LINGO2: variants seen among roughly 807,000 people sequenced by gnomAD.
The protein encoded by LINGO2 is leucine-rich repeat and immunoglobulin-like domain-containing nogo receptor-interacting protein 2.
Under a neutral mutation model 30.6 loss-of-function variants are expected in LINGO2, and 14 were observed. The ratio of observed to expected loss-of-function variants is 0.46; its 90% confidence interval spans 0.30 to 0.72. LINGO2 has a LOEUF of 0.72. LINGO2 is among the 30% of genes least tolerant of loss of function. The pLI is 0.07. For missense variants in LINGO2, 729 were observed against 751.7 expected (o/e 0.97, Z 0.35); for synonymous variants, 317 against 288.5 (o/e 1.10, Z -1.00).
At chr9:28,615,578 A>C (rs1328089324) in intron 1 of LINGO2, among the ~76,000 whole-genome samples, 4 of 152,198 alleles carry the variant, frequency 2.6e-5, no homozygotes, top group African/African-American at 9.7e-5. Flanking sequence ...ACAACATACT[A>C]TATAACAATA....
chr9:28,371,900 G>T (rs7855389), intron 3 of LINGO2, among the ~76,000 whole-genome samples: 119,010 of 151,870 alleles, frequency 0.78, 47,851 homozygotes, highest in Middle Eastern at 0.9. Flanking sequence ...ATACCTGTTA[G>T]AATAGGTGAA....
At chr9:28,272,082 A>G (rs1822959821) in intron 4 of LINGO2, among the ~76,000 whole-genome samples, 2 of 152,074 alleles carry the variant, frequency 1.3e-5, no homozygotes, top group African/African-American at 2.4e-5. Flanking sequence ...TCCCCATGTC[A>G]TCCACTCACC....
At chr9:29,149,417 C>T in the LINGO2 span, among the ~76,000 whole-genome samples, 36,708 of 151,506 alleles carry the variant, frequency 0.24, 4,573 homozygotes, top group East Asian at 0.4. Context: ...TAAACCAACA[C>T]ACTTTGAACA....
At chr9:28,477,619 C>A (rs1486775586) in intron 1 of LINGO2, among the ~76,000 whole-genome samples, 1 of 152,110 alleles carries the variant, frequency 6.6e-6, no homozygotes, top group African/African-American at 2.4e-5. Flanking sequence ...ATTTTACAGG[C>A]TAATTATAGC....
intron 4 of LINGO2, among the ~76,000 whole-genome samples, chr9:28,032,827 G>A (rs1243579959): frequency 1.3e-5 from 2 of 152,182 alleles, no homozygotes; most frequent in Non-Finnish European, 2.9e-5. Flanking sequence ...CTAGTAGATG[G>A]TGCCACATCA....
At chr9:28,886,229 A>T in the LINGO2 span, among the ~76,000 whole-genome samples, 1 of 152,162 alleles carries the variant, frequency 6.6e-6, no homozygotes, top group Non-Finnish European at 1.5e-5. Context: ...TTAATTGCAG[A>T]GAAGATAAAA....
chr9:29,011,815 T>C, the LINGO2 span, among the ~76,000 whole-genome samples: 3 of 152,166 alleles, frequency 2.0e-5, no homozygotes, highest in African/African-American at 7.2e-5. Flanking sequence ...CCTTATGAAG[T>C]AGTTCTTCAT....
chr9:28,935,037 T>C, the LINGO2 span, among the ~76,000 whole-genome samples: 1 of 152,090 alleles, frequency 6.6e-6, no homozygotes, highest in East Asian at 1.9e-4. Context: ...TCCAAGAGAA[T>C]GATACTCATC....
intron 3 of LINGO2, among the ~76,000 whole-genome samples, chr9:28,348,554 C>T (rs561507528): frequency 2.6e-3 from 401 of 152,154 alleles, no homozygotes; most frequent in African/African-American, 9.1e-3. Context: ...AACTGCAAGG[C>T]GGCAGCGAGG....
intron 3 of LINGO2, among the ~76,000 whole-genome samples, chr9:28,336,852 A>G (rs1352770316): frequency 1.3e-5 from 2 of 151,792 alleles, no homozygotes; most frequent in Non-Finnish European, 2.9e-5. Context: ...GCTTATTACT[A>G]GAATACTTTT....
At chr9:28,093,289 A>G (rs1826150794) in intron 4 of LINGO2, among the ~76,000 whole-genome samples, 1 of 152,110 alleles carries the variant, frequency 6.6e-6, no homozygotes, top group African/African-American at 2.4e-5. Flanking sequence ...CCTCTGTGAA[A>G]AAAAATCCCT....
At chr9:28,020,212 C>T (rs1823044406) in intron 4 of LINGO2, among the ~76,000 whole-genome samples, 1 of 152,182 alleles carries the variant, frequency 6.6e-6, no homozygotes, top group South Asian at 2.1e-4. Flanking sequence ...GCACTGAGAG[C>T]ACAGCCTTTC....
At chr9:27,998,430 C>T (rs1821777361) in intron 5 of LINGO2, among the ~76,000 whole-genome samples, 1 of 152,144 alleles carries the variant, frequency 6.6e-6, no homozygotes, top group African/African-American at 2.4e-5. Flanking sequence ...GCCCAGGAAC[C>T]AGCAAGGATG....
chr9:28,901,727 G>A, the LINGO2 span, among the ~76,000 whole-genome samples: 1 of 150,570 alleles, frequency 6.6e-6, no homozygotes, highest in Non-Finnish European at 1.5e-5. Context: ...AAAAAGTAAA[G>A]AATCAAAAAA....
At chr9:28,783,404 T>C in the LINGO2 span, among the ~76,000 whole-genome samples, 1 of 152,128 alleles carries the variant, frequency 6.6e-6, no homozygotes, top group Non-Finnish European at 1.5e-5. Context: ...TTTTAAATTT[T>C]ATTATTTCTA....
intron 1 of LINGO2, among the ~76,000 whole-genome samples, chr9:28,581,990 CT>C (rs1345470102): frequency 6.6e-6 from 1 of 151,878 alleles, no homozygotes. Flanking sequence ...CATATTGGCC[CT>C]GTTACTAAGG....
the LINGO2 span, among the ~76,000 whole-genome samples, chr9:28,924,994 T>C: frequency 3.3e-4 from 50 of 152,286 alleles, no homozygotes; most frequent in Non-Finnish European, 6.3e-4. Context: ...TTGGCTTGTA[T>C]ATTTCAACAT....
chr9:28,606,655 T>C (rs993946121), intron 1 of LINGO2, among the ~76,000 whole-genome samples: 2 of 152,042 alleles, frequency 1.3e-5, no homozygotes, highest in East Asian at 1.9e-4. Flanking sequence ...TTAAACAAGA[T>C]ATATTGTTCA....
At chr9:28,308,619 G>T (rs1376749926) in intron 3 of LINGO2, among the ~76,000 whole-genome samples, 15 of 147,306 alleles carry the variant, frequency 1.0e-4, no homozygotes, top group African/African-American at 3.5e-4. Flanking sequence ...CACAGCAAAA[G>T]AAACTACCAT....
Sources: gnomAD v4.1 joint callset for allele counts (sites outside exome capture counted in the v4.1 genomes callset) on GRCh38, gnomAD v4.1.1 for gene constraint, MANE v1.5 for transcripts, NCBI Gene and HGNC (gene_info 2026-07-23, HGNC 2026-07-21) for gene names.